The following APCDD1L variants were observed in gnomAD, a reference collection of about 807,000 sequenced individuals.
The protein encoded by APCDD1L is APC down-regulated 1 like, also known as protein APCDD1-like.
Under a neutral mutation model 24.2 loss-of-function variants are expected in APCDD1L, and 21 were observed. The ratio of observed to expected loss-of-function variants is 0.87; its 90% CI spans 0.61 to 1.25. APCDD1L has a LOEUF of 1.25. APCDD1L is among the 50% of genes most tolerant of loss of function. The pLI is 0.00. For synonymous variants in APCDD1L, 321 were observed against 323.6 expected (o/e 0.99, Z 0.09); for missense variants, 704 against 711.7 (o/e 0.99, Z 0.12).
At chr20:58,512,862 G>C (rs1352304727) in intron 1 of APCDD1L, among the ~76,000 whole-genome samples, 1 of 151,972 alleles carries the variant, frequency 6.6e-6, no homozygotes, top group Non-Finnish European at 1.5e-5. Context: ...CCCCTTTCTG[G>C]TGGCTGTGTC....
chr20:58,497,487 G>A lies in APCDD1L; in HGVS notation c.49+17172C>T, dbSNP rs1990348806. Among the ~76,000 whole-genome samples, 1 of 152,188 alleles carries A rather than the reference G, an allele frequency of 6.6e-6. No individual in the cohort carries two copies. The highest frequency in any genetic ancestry group is 1.5e-5 in the Non-Finnish European group (1 of 68,030). ...AGTCTGGGCTCAAGGTGCGAGCTGG[G>A]TTGGTTCCTTCTGAGGCTGGGCCGG... On this transcript the variant is annotated intron_variant, in intron 1 of 3. Transcript: ENST00000371149. The surrounding 1 kb of genome is among the most constrained non-coding windows in gnomAD (Gnocchi z 4.3).
intron 1 of APCDD1L, among the ~76,000 whole-genome samples, chr20:58,481,005 G>C (rs917359508): frequency 6.6e-6 from 1 of 152,202 alleles, no homozygotes; most frequent in East Asian, 1.9e-4. Flanking sequence ...CAGCTTGCAC[G>C]TTGGTCTGTA....
intron 1 of APCDD1L, among the ~76,000 whole-genome samples, chr20:58,495,667 G>C (rs1046359086): frequency 6.6e-6 from 1 of 152,158 alleles, no homozygotes; most frequent in Non-Finnish European, 1.5e-5. Context: ...CGTCTGTCGC[G>C]GGGTCAGAGA....
intron 1 of APCDD1L, among the ~76,000 whole-genome samples, chr20:58,480,334 C>T (rs1990000510): frequency 6.6e-6 from 1 of 152,114 alleles, no homozygotes; most frequent in Non-Finnish European, 1.5e-5. Flanking sequence ...GGGTACCTGG[C>T]AGAGCAGGTC....
chr20:58,509,651 A>G (rs982874204), intron 1 of APCDD1L, among the ~76,000 whole-genome samples: 1 of 152,158 alleles, frequency 6.6e-6, no homozygotes, highest in Non-Finnish European at 1.5e-5. Flanking sequence ...CAGGCTCTGA[A>G]TGGGGGCAGG....
At position 58,508,192 on chromosome 20, in the gene APCDD1L, T is replaced by A. The variant is rs1462241512; in HGVS notation, c.49+6467A>T. Among the ~76,000 whole-genome samples, 2 of 152,234 alleles carry A rather than the reference T, an allele frequency of 1.3e-5. No homozygotes were observed. The highest frequency in any genetic ancestry group is 3.8e-4 in the East Asian group (2 of 5,200). On this transcript the variant is annotated intron_variant, in intron 1 of 3. Coordinates refer to ENST00000371149, the MANE Select transcript of APCDD1L (RefSeq NM_153360.3). This position sits in a 1 kb window ranked among gnomAD's most constrained non-coding sequence, Gnocchi z 4.0. ...AGTTCTAGGCAGAAGAAACAGCCTA[T>A]GCATGCATATGGAGGTTGTGGTGGG...
chr20:58,492,656 T>C (rs956578101), intron 1 of APCDD1L, among the ~76,000 whole-genome samples: 3 of 152,386 alleles, frequency 2.0e-5, no homozygotes, highest in Admixed American at 6.5e-5. Flanking sequence ...ATCAGTGGTT[T>C]ACAAACATTT....
At chr20:58,471,611 A>G (rs1397892621) in intron 1 of APCDD1L, among the ~76,000 whole-genome samples, 1 of 152,184 alleles carries the variant, frequency 6.6e-6, no homozygotes, top group African/African-American at 2.4e-5. Flanking sequence ...ACTGTTCACG[A>G]TCTTTTCTCG....
In APCDD1L at chr20:58,489,099, T is replaced by C. The variant is rs150227516; in HGVS notation, c.50-18352A>G. On this transcript the variant is annotated intron_variant, in intron 1 of 3. Coordinates refer to ENST00000371149, the MANE Select transcript of APCDD1L (RefSeq NM_153360.3). Reference sequence around the variant, plus strand: ...AGCAGGTTTTTATAAAAAAAGTTTATGATCCAATGTGTGTGTTTATAACCT... The same window carrying C: ...AGCAGGTTTTTATAAAAAAAGTTTACGATCCAATGTGTGTGTTTATAACCT... Among the ~76,000 whole-genome samples, 174 of 152,320 alleles carry C rather than the reference T, an allele frequency of 1.1e-3. 1 individual carries two copies. The East Asian group carries it at 0.026, about 23-fold the overall frequency.
chr20:58,460,913 G>C lies in APCDD1L; in HGVS notation c.1383C>G (p.Asp461Glu). The C allele has an allele frequency of 6.2e-7, 1 of 1,612,192 alleles. No homozygotes were observed. The highest frequency in any genetic ancestry group is 8.5e-7 in the Non-Finnish European group (1 of 1,178,694). The part of the protein sequence containing the change: ...PLVLCHGEAP[D>E]FSRPPQHRPS... ...GCCTGTGCTGCGGTGGCCTGGAGAA[G>C]TCGGGGGCCTCCCCATGACAGAGCA... The change falls in exon 4 of 4, where the codon GAC (aspartate) becomes GAG (glutamate). Residue 461 changes from aspartate to glutamate, a missense_variant. Physicochemically the swap from Asp to Glu is conservative, Grantham distance 45. Transcript: ENST00000371149. This position sits in a 1 kb window ranked among gnomAD's most constrained non-coding sequence, Gnocchi z 4.2.
intron 1 of APCDD1L, among the ~76,000 whole-genome samples, chr20:58,493,624 G>A (rs1046800737): frequency 1.3e-5 from 2 of 152,148 alleles, no homozygotes; most frequent in Non-Finnish European, 2.9e-5. Flanking sequence ...AGGGAGCTAT[G>A]ACTTTCATCA....
chr20:58,499,192 G>T (rs548349354), intron 1 of APCDD1L, among the ~76,000 whole-genome samples: 1 of 152,288 alleles, frequency 6.6e-6, no homozygotes, highest in Admixed American at 6.5e-5. Context: ...CTCACAGCAG[G>T]TCTGTATTTC....
At chr20:58,473,678 G>C (rs1232969960) in intron 1 of APCDD1L, among the ~76,000 whole-genome samples, 1 of 152,164 alleles carries the variant, frequency 6.6e-6, no homozygotes, top group Non-Finnish European at 1.5e-5. Flanking sequence ...GCGGTGGGTT[G>C]GGTTACACAA....
chr20:58,515,332 C>G lies in APCDD1L; in HGVS notation c.-625G>C. On this transcript the variant is annotated 5_prime_UTR_variant, in exon 1 of 4. Coordinates refer to ENST00000371149, the MANE Select transcript of APCDD1L (RefSeq NM_153360.3). ...AACCCGGTCGCCTAGAAGCCAGCCC[C>G]GGCCTCTGTCTGTAAATGAGGCCGT... 3.3e-6 allele frequency: 1 copy of G among 301,230 alleles called. No homozygotes were observed. 18.7% of individuals were successfully genotyped at this position (301,230 alleles called of 1,614,324 possible).
rs1220926781 is a variant in APCDD1L at position 58,460,661 on chromosome 20, G to A, written c.*129C>T. 1 of 1,207,918 alleles carries A rather than the reference G, an allele frequency of 8.3e-7. No homozygotes were observed. The highest frequency in any genetic ancestry group is 1.1e-6 in the Non-Finnish European group (1 of 905,084). 74.8% of individuals were successfully genotyped at this position (1,207,918 alleles called of 1,614,324 possible). On this transcript the variant is annotated 3_prime_UTR_variant, in exon 4 of 4. Coordinates refer to ENST00000371149, the MANE Select transcript of APCDD1L (RefSeq NM_153360.3). The surrounding 1 kb of genome is among the most constrained non-coding windows in gnomAD (Gnocchi z 4.2). ...CCACATGGGACACAGGCAGAGTTTG[G>A]AAGCAGTGGGGCTGTGCATCCATCC...
intron 1 of APCDD1L, among the ~76,000 whole-genome samples, chr20:58,505,225 T>C (rs952447655): frequency 1.3e-5 from 2 of 152,134 alleles, no homozygotes; most frequent in African/African-American, 4.8e-5. Context: ...TTTTTACAAA[T>C]TATTATTATT....
At chr20:58,502,158 C>G (rs1990448004) in intron 1 of APCDD1L, among the ~76,000 whole-genome samples, 1 of 152,028 alleles carries the variant, frequency 6.6e-6, no homozygotes, top group Non-Finnish European at 1.5e-5. Context: ...GATGGAGTAC[C>G]CTGGTGCGAT....
At chr20:58,511,664 T>C (rs1290766251) in intron 1 of APCDD1L, among the ~76,000 whole-genome samples, 1 of 152,226 alleles carries the variant, frequency 6.6e-6, no homozygotes, top group African/African-American at 2.4e-5. Flanking sequence ...ATTGATAATT[T>C]TTTTTGTTTG....
At chr20:58,471,168 A>G (rs573830510) in intron 1 of APCDD1L, among the ~76,000 whole-genome samples, 24 of 152,300 alleles carry the variant, frequency 1.6e-4, no homozygotes, top group Non-Finnish European at 2.9e-4. Context: ...CTCTGGACTC[A>G]GGACCCAAGG....
Sources: allele counts gnomAD v4.1 joint callset (sites outside exome capture counted in the v4.1 genomes callset), GRCh38; gene constraint gnomAD v4.1.1; non-coding constraint Gnocchi (gnomAD v3.1); transcripts MANE v1.5; gene names NCBI Gene and HGNC (gene_info 2026-07-23, HGNC 2026-07-21).